Variants in CELF2 observed in about 807,000 individuals in gnomAD.
CELF2 encodes the protein CUGBP Elav-like family member 2.
CELF2 carries 8 observed loss-of-function variants against 62.6 expected under a neutral mutation model. That is an observed-to-expected ratio of 0.13 (90% CI 0.07 to 0.23). The LOEUF is 0.23. Among genes scored for constraint, CELF2 ranks in the 10% least tolerant of loss-of-function variants. The probability of loss-of-function intolerance (pLI) is 1.00; values close to 1 mark genes in which losing one functional copy is unlikely to be tolerated. For synonymous variants in CELF2, 258 were observed against 250.0 expected (o/e 1.03, Z -0.30); for missense variants, 333 against 671.0 (o/e 0.50, Z 5.56).
intron 11 of CELF2, among the ~76,000 whole-genome samples, chr10:11,323,453 A>ATAATAAT (rs1179139284): frequency 2.0e-5 from 3 of 149,354 alleles, no homozygotes; most frequent in African/African-American, 7.3e-5. Context: ...AATAATAATA[A>ATAATAAT]TAATAATAAT....
chr10:11,172,280 A>C (rs1034509481), intron 2 of CELF2, among the ~76,000 whole-genome samples: 59 of 152,356 alleles, frequency 3.9e-4, no homozygotes, highest in African/African-American at 1.4e-3. Context: ...TGGCTGACCG[A>C]CGACCTATGG....
the CELF2 span, among the ~76,000 whole-genome samples, chr10:10,750,594 GCT>G: frequency 5.3e-5 from 8 of 152,374 alleles, no homozygotes; most frequent in African/African-American, 1.4e-4. Context: ...CCTGTCAGAT[GCT>G]CTGATGTAAA....
At chr10:10,827,200 A>G (rs1305948491) in intron 1 of CELF2, among the ~76,000 whole-genome samples, 1 of 152,166 alleles carries the variant, frequency 6.6e-6, no homozygotes, top group Admixed American at 6.5e-5. Flanking sequence ...ATTCTCCTGC[A>G]TTTTACAAAT....
At chr10:11,284,945 C>A (rs1256546006) in intron 8 of CELF2, among the ~76,000 whole-genome samples, 1 of 138,364 alleles carries the variant, frequency 7.2e-6, no homozygotes, top group Non-Finnish European at 1.6e-5. Flanking sequence ...TGGGTGGGAG[C>A]ATCTATTCCA....
the CELF2 span, among the ~76,000 whole-genome samples, chr10:10,618,601 T>C: frequency 2.0e-5 from 3 of 152,102 alleles, no homozygotes; most frequent in African/African-American, 7.3e-5. Context: ...ATTCGTCTCT[T>C]GTTCTCATGA....
At chr10:11,256,110 GCTGTCTCCT>G (rs1333274378) in intron 4 of CELF2, among the ~76,000 whole-genome samples, 4 of 152,242 alleles carry the variant, frequency 2.6e-5, no homozygotes. Flanking sequence ...GGAGCCTTTA[GCTGTCTCCT>G]CTAGGCCCTT....
Position 11,217,515 on chromosome 10 carries a change from G to A in CELF2, c.354+8G>A, listed in dbSNP as rs1435204988. The A allele has an allele frequency of 1.3e-5, 21 of 1,590,494 alleles. No homozygotes were observed. Among genetic ancestry groups the A allele is most frequent in the South Asian group, 2.2e-5 (2 of 89,310 alleles). The stretch of plus-strand genomic sequence containing the variant: ...ATTAAAACTTTACCTGGGGTGAGTC[G>A]GTTTACTTTTGTACCAGAATCACTT... On this transcript the variant is annotated splice_region_variant and intron_variant, in intron 3 of 12. Coordinates refer to ENST00000633077, the MANE Select transcript of CELF2 (RefSeq NM_001326342.2). The surrounding 1 kb of genome is among the most constrained non-coding windows in gnomAD (Gnocchi z 5.6).
At position 11,330,003 on chromosome 10, in the gene CELF2, G is replaced by A. The variant is rs139741562; in HGVS notation, c.*950G>A. ...TTGGGTACCTAAAGAGCAGTTCTCTGTCTAGCTAGAACCTTCTGAAGTAGT... is the reference window on the plus strand; with the variant it reads ...TTGGGTACCTAAAGAGCAGTTCTCTATCTAGCTAGAACCTTCTGAAGTAGT... On this transcript the variant is annotated 3_prime_UTR_variant, in exon 13 of 13. Transcript: ENST00000633077. This position sits in a 1 kb window ranked among gnomAD's most constrained non-coding sequence, Gnocchi z 4.5. 2.6e-5 allele frequency: 4 copies of A among 152,716 alleles called. No homozygotes were observed. The highest frequency in any genetic ancestry group is 9.6e-5 in the African/African-American group (4 of 41,554). The allele number at this position is 152,716 out of a possible 1,614,324, so 9.5% of individuals were successfully genotyped here. A position where few individuals can be genotyped will look rare whatever the true frequency, so the allele number is the denominator to read the frequency against.
intron 2 of CELF2, among the ~76,000 whole-genome samples, chr10:10,925,861 G>A (rs538064946): frequency 5.9e-5 from 9 of 151,960 alleles, no homozygotes; most frequent in East Asian, 3.9e-4. Flanking sequence ...TACTCCCAGC[G>A]CCCAACCATC....
rs535047267 is a variant in CELF2, at chr10:11,223,310, G to A, written c.354+5803G>A. Among the ~76,000 whole-genome samples the A allele has an allele frequency of 2.0e-5, 3 of 152,322 alleles. No homozygotes were observed. The highest frequency in any genetic ancestry group is 1.9e-4 in the East Asian group (1 of 5,180). ...AGGCACTGTGTCTGCCTCCTCATTT[G>A]TGTAGGTGTGAACTCTCCTTGTGGA... On this transcript the variant is annotated intron_variant, in intron 3 of 12. Coordinates refer to ENST00000633077, the MANE Select transcript of CELF2 (RefSeq NM_001326342.2). This position sits in a 1 kb window ranked among gnomAD's most constrained non-coding sequence, Gnocchi z 5.1.
At chr10:10,559,914 A>G in the CELF2 span, among the ~76,000 whole-genome samples, 1 of 152,204 alleles carries the variant, frequency 6.6e-6, no homozygotes, top group South Asian at 2.1e-4. Context: ...TATTGAATGC[A>G]AATTTACCAT....
chr10:11,209,787 G>A (rs199937639), intron 2 of CELF2, among the ~76,000 whole-genome samples: 2 of 148,340 alleles, frequency 1.3e-5, no homozygotes, highest in African/African-American at 4.9e-5. Flanking sequence ...TTGGACTCTG[G>A]AAAAAAAAAA....
Position 11,324,980 on chromosome 10 carries a change from G to A in CELF2, c.1295-856G>A, listed in dbSNP as rs1349513924. Among the ~76,000 whole-genome samples, 1 of 152,150 alleles carries A rather than the reference G, an allele frequency of 6.6e-6. No homozygotes were observed. Among genetic ancestry groups the A allele is most frequent in the Non-Finnish European group, 1.5e-5 (1 of 68,040 alleles). ...CTCATCTCCCTCAGCTCATATTTATGCCCTTTTGTGCCGCTTTTAACTTTC... is the reference window on the plus strand; with the variant it reads ...CTCATCTCCCTCAGCTCATATTTATACCCTTTTGTGCCGCTTTTAACTTTC... On this transcript the variant is annotated intron_variant, in intron 11 of 12. Coordinates refer to ENST00000633077, the MANE Select transcript of CELF2 (RefSeq NM_001326342.2). This position sits in a 1 kb window ranked among gnomAD's most constrained non-coding sequence, Gnocchi z 4.7.
At chr10:10,755,647 A>G in the CELF2 span, among the ~76,000 whole-genome samples, 3 of 152,216 alleles carry the variant, frequency 2.0e-5, no homozygotes, top group Non-Finnish European at 4.4e-5. Context: ...AGAGTGAGGA[A>G]CATCTTTCCT....
chr10:10,578,907 T>G, the CELF2 span, among the ~76,000 whole-genome samples: 1 of 152,208 alleles, frequency 6.6e-6, no homozygotes, highest in Non-Finnish European at 1.5e-5. Context: ...ATATTAACTT[T>G]CACATCTATT....
the CELF2 span, among the ~76,000 whole-genome samples, chr10:10,495,926 C>A: frequency 6.6e-6 from 1 of 152,178 alleles, no homozygotes; most frequent in African/African-American, 2.4e-5. Flanking sequence ...GATATTCCAA[C>A]CTGTGTGGAA....
the CELF2 span, among the ~76,000 whole-genome samples, chr10:10,599,602 A>G: frequency 6.6e-6 from 1 of 152,210 alleles, no homozygotes; most frequent in African/African-American, 2.4e-5. Flanking sequence ...GAGATAATGG[A>G]AAAATACGCC....
At chr10:10,530,079 G>C in the CELF2 span, among the ~76,000 whole-genome samples, 4 of 152,144 alleles carry the variant, frequency 2.6e-5, no homozygotes, top group Non-Finnish European at 5.9e-5. Flanking sequence ...TTCCGATCCA[G>C]ACCCCAAAAG....
chr10:10,590,269 C>T, the CELF2 span, among the ~76,000 whole-genome samples: 15 of 152,226 alleles, frequency 9.9e-5, no homozygotes, highest in East Asian at 2.9e-3. Context: ...GCAATGGGGT[C>T]AAGAAAAGAT....
Sources: gnomAD v4.1 joint callset for allele counts (sites outside exome capture counted in the v4.1 genomes callset) on GRCh38, gnomAD v4.1.1 for gene constraint, Gnocchi (gnomAD v3.1) non-coding constraint, MANE v1.5 for transcripts, NCBI Gene and HGNC (gene_info 2026-07-23, HGNC 2026-07-21) for gene names.